Variants in PACRGL observed in about 807,000 individuals in gnomAD.
PACRGL encodes the protein parkin coregulated like.
In PACRGL, 38 loss-of-function variants were observed where a neutral mutation model predicts 34.5. The ratio of observed to expected loss-of-function variants is 1.10; its 90% CI spans 0.85 to 1.44. PACRGL has a LOEUF of 1.44. PACRGL is among the 40% of genes most tolerant of loss of function. The pLI is 0.00. For synonymous variants in PACRGL, 128 were observed against 100.1 expected (o/e 1.28, Z -1.66); for missense variants, 305 against 281.4 (o/e 1.08, Z -0.60).
chr4:20,731,012 T>TTAAAAA lies in PACRGL; in HGVS notation c.*3676_*3681dup, dbSNP rs1336918848. 6.6e-6 allele frequency among the ~76,000 whole-genome samples: 1 copy of TTAAAAA among 152,166 alleles called. No homozygotes were observed. The highest frequency in any genetic ancestry group is 1.5e-5 in the Non-Finnish European group (1 of 68,032). The stretch of plus-strand genomic sequence containing the variant: ...CATCCAGAAAAGTAAGAACAACAAT[T>TTAAAAA]TAAAAATAAAGAGAAAAACTAAAGA... On this transcript the variant is annotated 3_prime_UTR_variant, in exon 9 of 9. Coordinates refer to ENST00000503585, the MANE Select transcript of PACRGL (RefSeq NM_001258345.3).
At chr4:20,711,937 T>G (rs567430794) in intron 5 of PACRGL, among the ~76,000 whole-genome samples, 3 of 152,272 alleles carry the variant, frequency 2.0e-5, no homozygotes, top group South Asian at 2.1e-4. Flanking sequence ...ATAAAATACT[T>G]AAATATGAAG....
Position 20,713,464 on chromosome 4 carries a change from AT to A in PACRGL, c.536del (p.Leu179Ter). ...CGGATGATGAAGTGTTTGAAAGAGG[AT>A]TGAATGCTCTAGTTCAGCTAAGTGT... The part of the protein sequence containing the change: ...HSDDEVFERG[L>X]NALVQLSVVV... On this transcript the variant is annotated frameshift_variant, in exon 7 of 9. Coordinates refer to ENST00000503585, the MANE Select transcript of PACRGL (RefSeq NM_001258345.3). LOFTEE classifies it high-confidence loss of function. 6.2e-7 allele frequency: 1 copy of A among 1,613,742 alleles called. No individual in the cohort carries two copies.
At chr4:20,748,301 C>G (rs1304860084) in intron 8 of PACRGL, among the ~76,000 whole-genome samples, 1 of 151,960 alleles carries the variant, frequency 6.6e-6, no homozygotes, top group Non-Finnish European at 1.5e-5. Flanking sequence ...TATACTCTGT[C>G]CAGCCTCTGC....
chr4:20,703,810 A>G (rs559365119), intron 1 of PACRGL, among the ~76,000 whole-genome samples: 73 of 152,254 alleles, frequency 4.8e-4, no homozygotes, highest in African/African-American at 1.6e-3. Flanking sequence ...ATGCAGACCC[A>G]TATTTGAGCC....
chr4:20,758,707 A>G, the PACRGL span: 2 of 806,250 alleles, frequency 2.5e-6, no homozygotes, highest in Non-Finnish European at 4.1e-6. Context: ...CTGTGCATTA[A>G]TTCTTTTACA....
At chr4:20,710,034 C>CA (rs553312011) in intron 5 of PACRGL, among the ~76,000 whole-genome samples, 1 of 151,400 alleles carries the variant, frequency 6.6e-6, no homozygotes, top group Non-Finnish European at 1.5e-5. Context: ...GTACTTACTT[C>CA]AAAAAAAATA....
At chr4:20,698,386 T>A (rs1731325634), upstream of PACRGL, among the ~76,000 whole-genome samples, 1 of 152,246 alleles carries the variant, frequency 6.6e-6, no homozygotes, top group Non-Finnish European at 1.5e-5. Flanking sequence ...ATCAGTGCTC[T>A]GTTTCTCACA....
downstream of PACRGL, among the ~76,000 whole-genome samples, chr4:20,735,378 A>C (rs894443455): frequency 6.6e-6 from 1 of 152,194 alleles, no homozygotes; most frequent in East Asian, 1.9e-4. Flanking sequence ...TATGAGGATT[A>C]AAAAAGAGGC....
chr4:20,706,821 G>A (rs954100111), intron 3 of PACRGL, among the ~76,000 whole-genome samples: 6 of 152,052 alleles, frequency 3.9e-5, no homozygotes, highest in East Asian at 3.9e-4. Flanking sequence ...TGATCCACCC[G>A]CCTCAGCCTC....
In PACRGL at chr4:20,730,389, T is replaced by A. The variant is rs1005613699; in HGVS notation, c.*3048T>A. ...CTTTATTTAAATCTTTACTTGGTAT[T>A]AATAGAGGATATTTCTCAAATCATA... On this transcript the variant is annotated 3_prime_UTR_variant, in exon 9 of 9. Coordinates refer to ENST00000503585, the MANE Select transcript of PACRGL (RefSeq NM_001258345.3). 1.3e-5 allele frequency among the ~76,000 whole-genome samples: 2 copies of A among 152,182 alleles called. No homozygotes were observed. Among genetic ancestry groups the A allele is most frequent in the African/African-American group, 4.8e-5 (2 of 41,420 alleles).
At chr4:20,708,893 A>C (rs1051408971) in intron 4 of PACRGL, among the ~76,000 whole-genome samples, 1 of 151,924 alleles carries the variant, frequency 6.6e-6, no homozygotes, top group Non-Finnish European at 1.5e-5. Flanking sequence ...TTGGGAGGCC[A>C]AGGCGGGTGG....
chr4:20,753,424 G>C (rs960310648), downstream of PACRGL, among the ~76,000 whole-genome samples: 1 of 152,114 alleles, frequency 6.6e-6, no homozygotes, highest in African/African-American at 2.4e-5. Flanking sequence ...CACAAACTCT[G>C]AACTTAGTCC....
At chr4:20,766,245 A>C in the PACRGL span, among the ~76,000 whole-genome samples, 2 of 152,208 alleles carry the variant, frequency 1.3e-5, no homozygotes, top group Middle Eastern at 3.2e-3. Context: ...TAATCTATAG[A>C]TCACAGAATC....
downstream of PACRGL, chr4:20,732,928 C>G: frequency 1.7e-6 from 1 of 579,088 alleles, no homozygotes; most frequent in Non-Finnish European, 3.0e-6. Flanking sequence ...TGTTGGTTGT[C>G]CCAAAGGAAA....
intron 8 of PACRGL, among the ~76,000 whole-genome samples, chr4:20,751,756 T>C (rs1017157688): frequency 5.9e-5 from 9 of 152,348 alleles, no homozygotes; most frequent in African/African-American, 2.2e-4. Flanking sequence ...GGAGTTTTTC[T>C]AGCTTAAAGC....
Position 20,729,424 on chromosome 4 carries a change from T to TATTAAAATAAGC in PACRGL, c.*2083_*2084insATTAAAATAAGC, listed in dbSNP as rs1295015050. ...TAACATATTATGGAAAATTAAATGC[T>TATTAAAATAAGC]TATTAAAATAAGTTTTATTAGGCAT... is the stretch of plus-strand genomic sequence containing the variant. On this transcript the variant is annotated 3_prime_UTR_variant, in exon 9 of 9. Coordinates refer to ENST00000503585, the MANE Select transcript of PACRGL (RefSeq NM_001258345.3). The TATTAAAATAAGC allele has an allele frequency of 1.3e-5, 2 of 152,280 alleles. No individual in the cohort carries two copies. Among genetic ancestry groups the TATTAAAATAAGC allele is most frequent in the Non-Finnish European group, 1.5e-5 (1 of 67,986 alleles). The allele number at this position is 152,280 out of a possible 1,614,324, so 9.4% of individuals were successfully genotyped here.
chr4:20,727,294 AG>A lies in PACRGL; in HGVS notation c.701del (p.Ser234ThrfsTer54), dbSNP rs757069942. ...TTTTTTCTGTTGACAGGGGAGCCTT[AG>A]CATCATCAAATCTAAAATTCCAACA... is the stretch of plus-strand genomic sequence containing the variant. ...LEQHGGSGSL[S>X]IIKSKIPTYC... On this transcript the variant is annotated frameshift_variant, in exon 9 of 9. Coordinates refer to ENST00000503585, the MANE Select transcript of PACRGL (RefSeq NM_001258345.3). LOFTEE classifies it high-confidence loss of function. 1.2e-6 allele frequency: 2 copies of A among 1,611,972 alleles called. No homozygotes were observed.
intron 8 of PACRGL, among the ~76,000 whole-genome samples, chr4:20,749,971 A>G (rs1753293094): frequency 6.6e-6 from 1 of 152,216 alleles, no homozygotes; most frequent in Non-Finnish European, 1.5e-5. Context: ...CTGGCTGGCA[A>G]TGCTGTAGTC....
chr4:20,730,167 A>ATCTGCAAGGAAAAGTACACTAT lies in PACRGL; in HGVS notation c.*2828_*2849dup. 6.3e-7 allele frequency: 1 copy of ATCTGCAAGGAAAAGTACACTAT among 1,583,460 alleles called. No individual in the cohort carries two copies. On this transcript the variant is annotated 3_prime_UTR_variant, in exon 9 of 9. Coordinates refer to ENST00000503585, the MANE Select transcript of PACRGL (RefSeq NM_001258345.3). ...AACACAGAGCGATTAAATTCAGCAT[A>ATCTGCAAGGAAAAGTACACTAT]TCTGCAAGGAAAAGTACACTATTTT...
Sources: gnomAD v4.1 joint callset for allele counts (sites outside exome capture counted in the v4.1 genomes callset) on GRCh38, gnomAD v4.1.1 for gene constraint, MANE v1.5 for transcripts, NCBI Gene and HGNC (gene_info 2026-07-23, HGNC 2026-07-21) for gene names.